The following ABCB1 variants were observed in gnomAD, a reference collection of about 807,000 sequenced individuals.
ABCB1 encodes ATP binding cassette subfamily B member 1.
ABCB1 carries 69 observed loss-of-function variants against 142.0 expected under a neutral mutation model. That is an observed-to-expected ratio of 0.49 (90% CI 0.40 to 0.59). The LOEUF (loss-of-function observed/expected upper bound fraction) is 0.59, where lower values mean the gene tolerates loss of function less well. Ranked by LOEUF, ABCB1 falls within the 20% of genes least tolerant of loss-of-function variation. The pLI, the probability that ABCB1 is intolerant of heterozygous loss-of-function variation, is 0.00. For missense variants in ABCB1, 1,326 were observed against 1,554.7 expected (o/e 0.85, Z 2.47); for synonymous variants, 532 against 539.2 (o/e 0.99, Z 0.18).
chr7:87,506,869 C>G (rs1169369635), intron 26 of ABCB1, among the ~76,000 whole-genome samples: 3 of 152,108 alleles, frequency 2.0e-5, no homozygotes, highest in African/African-American at 7.2e-5. Flanking sequence ...CTGGGTTTCC[C>G]CCTGTAAATA....
At chr7:87,504,540 G>T (rs926532579) in intron 27 of ABCB1, 91 bp from the exon 28 acceptor site, 6 of 1,528,972 alleles carry the variant, frequency 3.9e-6, no homozygotes, top group East Asian at 2.4e-5. Flanking sequence ...CGGGCATGGT[G>T]GCTCACGCCT....
chr7:87,621,865 C>T (rs116888417), intron 1 of ABCB1, among the ~76,000 whole-genome samples: 1 of 151,852 alleles, frequency 6.6e-6, no homozygotes, highest in Non-Finnish European at 1.5e-5. Flanking sequence ...TAAAATGCAA[C>T]CTTGTTATTT....
intron 1 of ABCB1, among the ~76,000 whole-genome samples, chr7:87,686,125 G>C (rs189822573): frequency 6.6e-6 from 1 of 152,106 alleles, no homozygotes; most frequent in East Asian, 1.9e-4. Context: ...TATACTTTCT[G>C]CTTTTTTTGG....
At chr7:87,629,629 A>G (rs984824483) in intron 1 of ABCB1, among the ~76,000 whole-genome samples, 3 of 152,148 alleles carry the variant, frequency 2.0e-5, no homozygotes, top group Non-Finnish European at 4.4e-5. Flanking sequence ...GAAACAATAA[A>G]AGAATAATTA....
chr7:87,629,991 A>G (rs1821046510), intron 1 of ABCB1, among the ~76,000 whole-genome samples: 1 of 152,088 alleles, frequency 6.6e-6, no homozygotes, highest in South Asian at 2.1e-4. Flanking sequence ...ACATGCTGAT[A>G]TATTTTCTTT....
intron 2 of ABCB1, among the ~76,000 whole-genome samples, chr7:87,597,173 C>T (rs1396714301): frequency 6.6e-6 from 1 of 151,984 alleles, no homozygotes; most frequent in Non-Finnish European, 1.5e-5. Flanking sequence ...TAAGGTGCAA[C>T]CTCAGATTTC....
intron 1 of ABCB1, among the ~76,000 whole-genome samples, chr7:87,668,642 CT>C (rs1194390548): frequency 1.8e-4 from 28 of 152,122 alleles, no homozygotes; most frequent in African/African-American, 6.5e-4. Context: ...TTAACACTGT[CT>C]TAGCTGTGTC....
intron 1 of ABCB1, among the ~76,000 whole-genome samples, chr7:87,667,726 G>A (rs948246715): frequency 6.6e-6 from 1 of 152,046 alleles, no homozygotes; most frequent in Non-Finnish European, 1.5e-5. Context: ...GGCCTTTTCT[G>A]TGTCTATTGA....
chr7:87,599,176 A>G (rs1819338469), intron 2 of ABCB1, among the ~76,000 whole-genome samples: 2 of 152,206 alleles, frequency 1.3e-5, no homozygotes, highest in South Asian at 4.1e-4. Context: ...AATTTACATT[A>G]CAGTTTCTAA....
chr7:87,675,118 C>G (rs1346076583), intron 1 of ABCB1, among the ~76,000 whole-genome samples: 1 of 152,196 alleles, frequency 6.6e-6, no homozygotes, highest in East Asian at 1.9e-4. Context: ...TTCAACTTGC[C>G]TTTTCCCCAG....
At chr7:87,546,253 T>A (rs909593603) in intron 14 of ABCB1, among the ~76,000 whole-genome samples, 2 of 152,248 alleles carry the variant, frequency 1.3e-5, no homozygotes, top group African/African-American at 4.8e-5. Flanking sequence ...TAATATTATG[T>A]AAGCCCCCAA....
intron 1 of ABCB1, among the ~76,000 whole-genome samples, chr7:87,639,739 C>G (rs1238554203): frequency 6.6e-6 from 1 of 151,988 alleles, no homozygotes; most frequent in East Asian, 1.9e-4. Flanking sequence ...TATGATGTCT[C>G]TTTTTCCATC....
intron 19 of ABCB1, 137 bp from the exon 20 acceptor site, chr7:87,536,678 A>G: frequency 1.3e-6 from 1 of 748,498 alleles, no homozygotes. Flanking sequence ...TTCAATACAC[A>G]AGAAAGAAAC....
intron 4 of ABCB1, among the ~76,000 whole-genome samples, chr7:87,575,379 A>G (rs2129866898): frequency 6.6e-6 from 1 of 152,238 alleles, no homozygotes; most frequent in East Asian, 1.9e-4. Context: ...CATTCCAGAC[A>G]CTGAAGATAA....
At position 87,504,263 on chromosome 7, in the gene ABCB1, C is replaced by A. The variant is rs1321813708; in HGVS notation, c.3823G>T (p.Ala1275Ser). 1.9e-6 allele frequency: 3 copies of A among 1,613,976 alleles called. No individual in the cohort carries two copies. Among genetic ancestry groups the A allele is most frequent in the Non-Finnish European group, 2.5e-6 (3 of 1,180,020 alleles). The change falls in exon 28 of 28, where the codon GCT becomes TCT. Residue 1275 changes from alanine (A) to serine (S), a missense_variant. By Grantham distance (99) the Ala-to-Ser change is moderately conservative. Coordinates refer to ENST00000622132, the MANE Select transcript of ABCB1 (RefSeq NM_001348946.2). Reference protein sequence around the residue: ...GIYFSMVSVQAGTKRQ With the variant: ...GIYFSMVSVQSGTKRQ ...AGAGTTCACTGGCGCTTTGTTCCAG[C>A]CTGGACACTGACCATTGAAAAATAG...
At chr7:87,644,628 A>G (rs750456302) in intron 1 of ABCB1, among the ~76,000 whole-genome samples, 11 of 152,200 alleles carry the variant, frequency 7.2e-5, no homozygotes, top group Admixed American at 2.6e-4. Context: ...ATAACATGGT[A>G]TAGATAAGAA....
At chr7:87,705,450 CA>C (rs572746543) in intron 1 of ABCB1, among the ~76,000 whole-genome samples, 25 of 150,674 alleles carry the variant, frequency 1.7e-4, no homozygotes, top group Non-Finnish European at 3.0e-4. Context: ...ACAACAACAA[CA>C]AAAAAAAACA....
intron 1 of ABCB1, chr7:87,628,939 T>C (rs1176050391): frequency 7.6e-7 from 1 of 1,310,104 alleles, no homozygotes; most frequent in Non-Finnish European, 9.8e-7. Context: ...CTGATCACCG[T>C]GTGCAGGTAC....
chr7:87,520,663 C>G (rs750776156), intron 22 of ABCB1, 113 bp downstream of exon 22: 2 of 897,868 alleles, frequency 2.2e-6, no homozygotes, highest in African/African-American at 3.3e-5. Context: ...GGTTTACCTT[C>G]GAGCACTTTC....
Sources: allele counts gnomAD v4.1 joint callset (sites outside exome capture counted in the v4.1 genomes callset), GRCh38; gene constraint gnomAD v4.1.1; transcripts MANE v1.5; gene names NCBI Gene and HGNC (gene_info 2026-07-23, HGNC 2026-07-21).